The following NYAP2 variants were observed in gnomAD, a reference collection of about 807,000 sequenced individuals.
NYAP2 encodes neuronal tyrosine-phosphorylated phosphoinositide-3-kinase adaptor 2.
Under a neutral mutation model 50.4 loss-of-function variants are expected in NYAP2, and 23 were observed. The ratio of observed to expected loss-of-function variants is 0.46; its 90% CI spans 0.33 to 0.65. The LOEUF is 0.65. NYAP2 is among the 30% of genes least tolerant of loss of function. The probability of loss-of-function intolerance (pLI) is 0.02; values close to 1 mark genes in which losing one functional copy is unlikely to be tolerated. For missense variants in NYAP2, 885 were observed against 861.0 expected, an observed-to-expected ratio of 1.03 and a Z score of -0.35; for synonymous variants, 394 against 365.2, an observed-to-expected ratio of 1.08 and a Z score of -0.90.
At chr2:225,620,595 T>G (rs1693082495) in intron 5 of NYAP2, among the ~76,000 whole-genome samples, 2 of 152,210 alleles carry the variant, frequency 1.3e-5, no homozygotes, top group Admixed American at 6.5e-5. Flanking sequence ...TGCTTTCTAT[T>G]TAGGAGGCAG....
At chr2:225,587,942 T>A (rs1692416493) in intron 5 of NYAP2, among the ~76,000 whole-genome samples, 2 of 152,194 alleles carry the variant, frequency 1.3e-5, no homozygotes, top group African/African-American at 2.4e-5. Context: ...ACTTTTTTTT[T>A]TAGGCGGATT....
intron 3 of NYAP2, among the ~76,000 whole-genome samples, chr2:225,512,845 CT>C: frequency 1.0e-5 from 1 of 97,864 alleles, no homozygotes; most frequent in Non-Finnish European, 1.9e-5. Flanking sequence ...CTCTTTCTTT[CT>C]TTCTTTCTTC....
intron 3 of NYAP2, among the ~76,000 whole-genome samples, chr2:225,482,336 A>G (rs1391759145): frequency 6.6e-6 from 1 of 152,118 alleles, no homozygotes; most frequent in Non-Finnish European, 1.5e-5. Context: ...AACAAAAAGG[A>G]TTGGTAATAG....
intron 3 of NYAP2, among the ~76,000 whole-genome samples, chr2:225,461,192 T>G (rs1245296473): frequency 6.6e-6 from 1 of 151,958 alleles, no homozygotes; most frequent in Admixed American, 6.6e-5. Flanking sequence ...TGTGTGGAGG[T>G]GTCTAACTGG....
chr2:225,581,202 T>C lies in NYAP2; in HGVS notation c.524-739T>C, dbSNP rs567009649. On this transcript the variant is annotated intron_variant, in intron 4 of 6. Coordinates refer to ENST00000636099, the Ensembl canonical transcript of NYAP2. ...CCTGAGTTATTCTCTTTTAACACTC[T>C]TGAGGGCATTCTGATGTGTCAGTGG... is the stretch of plus-strand genomic sequence containing the variant. 3.3e-5 allele frequency among the ~76,000 whole-genome samples: 5 copies of C among 152,380 alleles called. No individual in the cohort carries two copies. In the South Asian group the frequency reaches 6.2e-4, roughly 19 times the overall value.
chr2:225,571,156 A>C (rs1692064338), intron 4 of NYAP2, among the ~76,000 whole-genome samples: 1 of 152,242 alleles, frequency 6.6e-6, no homozygotes, highest in South Asian at 2.1e-4. Flanking sequence ...TGGATGGTAC[A>C]GCCCCACTCT....
At chr2:225,615,878 G>A (rs1033900326) in intron 5 of NYAP2, among the ~76,000 whole-genome samples, 2 of 152,168 alleles carry the variant, frequency 1.3e-5, no homozygotes, top group African/African-American at 2.4e-5. Flanking sequence ...CCTCCACCAC[G>A]AAAGAGCATG....
intron 4 of NYAP2, among the ~76,000 whole-genome samples, chr2:225,570,325 C>T (rs1692044634): frequency 6.6e-6 from 1 of 152,160 alleles, no homozygotes; most frequent in African/African-American, 2.4e-5. Context: ...GAGATGGGTA[C>T]ATAGAACTAG....
chr2:225,595,036 A>G (rs188280229), intron 5 of NYAP2, among the ~76,000 whole-genome samples: 143 of 152,340 alleles, frequency 9.4e-4, no homozygotes, highest in Middle Eastern at 3.4e-3. Flanking sequence ...AAAAATTCCA[A>G]TGCAGAAGTC....
At chr2:225,641,638 C>G (rs1182212791) in intron 6 of NYAP2, among the ~76,000 whole-genome samples, 2 of 152,060 alleles carry the variant, frequency 1.3e-5, no homozygotes, top group African/African-American at 4.8e-5. Context: ...CATGGTAAAA[C>G]CCCATCTCTA....
chr2:225,676,619 A>T, the NYAP2 span, among the ~76,000 whole-genome samples: 1 of 152,100 alleles, frequency 6.6e-6, no homozygotes, highest in African/African-American at 2.4e-5. Flanking sequence ...CTTCTATTTT[A>T]AAAACCATAA....
intron 3 of NYAP2, among the ~76,000 whole-genome samples, chr2:225,412,623 A>G (rs943590956): frequency 6.6e-6 from 1 of 152,044 alleles, no homozygotes; most frequent in African/African-American, 2.4e-5. Context: ...TTTGTGAAAA[A>G]CCATCAGAGC....
chr2:225,403,038 T>C (rs1694889266), intron 2 of NYAP2, among the ~76,000 whole-genome samples: 1 of 152,010 alleles, frequency 6.6e-6, no homozygotes, highest in Admixed American at 6.6e-5. Context: ...TCATACACAA[T>C]GTGTTTTCAA....
At chr2:225,412,369 A>G (rs572689942) in intron 3 of NYAP2, among the ~76,000 whole-genome samples, 26 of 148,534 alleles carry the variant, frequency 1.8e-4, no homozygotes, top group Non-Finnish European at 3.3e-4. Context: ...AGAAATATTG[A>G]TGACTTAGAG....
intron 2 of NYAP2, among the ~76,000 whole-genome samples, chr2:225,402,217 T>G (rs1694875078): frequency 6.6e-6 from 1 of 151,938 alleles, no homozygotes; most frequent in African/African-American, 2.4e-5. Flanking sequence ...CAAGGGACAG[T>G]GGAGAAGCCT....
intron 5 of NYAP2, among the ~76,000 whole-genome samples, chr2:225,611,562 T>G (rs1692885251): frequency 6.6e-6 from 1 of 152,030 alleles, no homozygotes; most frequent in Non-Finnish European, 1.5e-5. Flanking sequence ...CTTTGCCATT[T>G]TTGAATCACT....
chr2:225,666,674 CTT>C, the NYAP2 span, among the ~76,000 whole-genome samples: 100 of 152,186 alleles, frequency 6.6e-4, no homozygotes, highest in African/African-American at 2.2e-3. Context: ...GACCAAGGTT[CTT>C]TTGAAGTCTT....
chr2:225,684,551 T>C, the NYAP2 span, among the ~76,000 whole-genome samples: 1 of 151,890 alleles, frequency 6.6e-6, no homozygotes, highest in Non-Finnish European at 1.5e-5. Flanking sequence ...ATCTTAAATA[T>C]AGTTTTTTTG....
At chr2:225,598,633 C>T (rs1278167939) in intron 5 of NYAP2, among the ~76,000 whole-genome samples, 2 of 152,044 alleles carry the variant, frequency 1.3e-5, no homozygotes, top group African/African-American at 2.4e-5. Flanking sequence ...ACCACAAATG[C>T]ACAGAAGGAA....
Sources: gnomAD v4.1 joint callset for allele counts (sites outside exome capture counted in the v4.1 genomes callset) on GRCh38, gnomAD v4.1.1 for gene constraint, MANE v1.5 for transcripts, NCBI Gene and HGNC (gene_info 2026-07-23, HGNC 2026-07-21) for gene names.